CACNA1C: variants seen among roughly 807,000 people sequenced by gnomAD.
CACNA1C encodes calcium voltage-gated channel subunit alpha1 C, also known as voltage-dependent L-type calcium channel subunit alpha-1C.
CACNA1C carries 30 observed loss-of-function variants against 229.0 expected under a neutral mutation model. The observed-to-expected ratio is 0.13, with a 90% CI of 0.10 to 0.18. The LOEUF (loss-of-function observed/expected upper bound fraction) is 0.18, where lower values mean the gene tolerates loss of function less well. Ranked by LOEUF, CACNA1C falls within the 10% of genes least tolerant of loss-of-function variation. CACNA1C has a pLI of 1.00. For synonymous variants in CACNA1C, 1,114 were observed against 1,132.5 expected (o/e 0.98, Z 0.33); for missense variants, 1,658 against 2,845.0 (o/e 0.58, Z 9.49).
chr12:2,570,320 C>T (rs540900102), intron 13 of CACNA1C, among the ~76,000 whole-genome samples: 8 of 152,192 alleles, frequency 5.3e-5, no homozygotes, highest in Non-Finnish European at 7.4e-5. Context: ...TTGCTCAGAG[C>T]GTGTTTCTGA....
At chr12:2,634,411 C>T (rs780849922) in intron 30 of CACNA1C, 31 bp downstream of exon 30, 26 of 1,206,264 alleles carry the variant, frequency 2.2e-5, no homozygotes, top group Admixed American at 4.2e-5. Context: ...CCTAACCGTC[C>T]GTGCCTGCTC....
chr12:2,501,597 C>T (rs934948960), intron 7 of CACNA1C, among the ~76,000 whole-genome samples: 1 of 152,272 alleles, frequency 6.6e-6, no homozygotes, highest in Admixed American at 6.5e-5. Context: ...GTGGCCAGCA[C>T]GGCTGTCAGT....
intron 1 of CACNA1C, among the ~76,000 whole-genome samples, chr12:1,972,792 A>G (rs1367878665): frequency 6.6e-6 from 1 of 152,130 alleles, no homozygotes; most frequent in African/African-American, 2.4e-5. Context: ...AAGGAAAAAA[A>G]GAAGGATGGA....
Position 2,691,101 on chromosome 12 carries a change from C to G in CACNA1C, c.6319C>G (p.Arg2107Gly). The change falls in exon 47 of 47, where the codon CGA becomes GGA. Residue 2107 changes from arginine to glycine, a missense_variant. Physicochemically the swap from Arg to Gly is moderately radical, Grantham distance 125. Coordinates refer to ENST00000399655, the MANE Select transcript of CACNA1C (RefSeq NM_000719.7). The stretch of plus-strand genomic sequence containing the variant: ...GAACTGCAGGGACGCGGGGCAGGAC[C>G]GAGCCGGGGGCGAAGAGGACGCGGG... ...FVNCRDAGQD[R>G]AGGEEDAGCV... 2.5e-6 allele frequency: 4 copies of G among 1,612,040 alleles called. No homozygotes were observed. The highest frequency in any genetic ancestry group is 1.7e-4 in the Middle Eastern group (1 of 5,960).
At chr12:2,643,339 C>T (rs2153614161) in intron 30 of CACNA1C, among the ~76,000 whole-genome samples, 1 of 152,298 alleles carries the variant, frequency 6.6e-6, no homozygotes, top group East Asian at 1.9e-4. Flanking sequence ...CTTTGTTTGT[C>T]TTCTTCTGCT....
chr12:2,498,003 A>ACACACACACACACACACACAC (rs370883428), intron 7 of CACNA1C, among the ~76,000 whole-genome samples: 2 of 149,242 alleles, frequency 1.3e-5, no homozygotes, highest in South Asian at 2.1e-4. Context: ...ACACACACAC[A>ACACACACACACACACACACAC]ACAGCTATTA....
Position 2,607,011 on chromosome 12 carries a change from G to A in CACNA1C, c.3237G>A (p.Gly1079=), listed in dbSNP as rs534453109. The part of the protein sequence containing the change: ...CKGNYITYKD[G]EVDHPIIQPR... ...GCAACTACATCACGTACAAAGACGG[G>A]GAGGTTGACCACCCCATCATCCAAC... The change falls in exon 26 of 47, where the codon GGG becomes GGA. Residue 1079 remains glycine, a synonymous_variant. Transcript: ENST00000399655. 20 of 1,614,018 alleles carry A rather than the reference G, an allele frequency of 1.2e-5. No homozygotes were observed. The East Asian group carries it at 4.5e-4, about 36-fold the overall frequency.
Position 2,568,390 on chromosome 12 carries a change from G to A in CACNA1C, c.1895+596G>A, listed in dbSNP as rs145944894. ...GGGAGTGTAAAATGGTGCAGCCACC[G>A]TGGGAAATGGTATGGCAGTTCCTAA... On this transcript the variant is annotated intron_variant, in intron 13 of 46. Coordinates refer to ENST00000399655, the MANE Select transcript of CACNA1C (RefSeq NM_000719.7). Among the ~76,000 whole-genome samples the A allele has an allele frequency of 1.2e-4, 19 of 152,278 alleles. No homozygotes were observed. The East Asian group carries it at 1.7e-3, about 14-fold the overall frequency.
chr12:2,201,987 T>C (rs965879048), intron 3 of CACNA1C, among the ~76,000 whole-genome samples: 1 of 152,256 alleles, frequency 6.6e-6, no homozygotes, highest in Non-Finnish European at 1.5e-5. Context: ...TTATCATTTG[T>C]CTTCCTGGCA....
intron 1 of CACNA1C, among the ~76,000 whole-genome samples, chr12:2,003,944 C>T (rs112110159): frequency 0.022 from 3,362 of 152,272 alleles, 102 homozygotes; most frequent in African/African-American, 0.071. Context: ...GAACTCTGCT[C>T]TACTTTCTCG....
intron 3 of CACNA1C, among the ~76,000 whole-genome samples, chr12:2,309,490 CAT>C (rs1163169155): frequency 1.4e-3 from 216 of 149,936 alleles, no homozygotes; most frequent in African/African-American, 4.8e-3. Context: ...CACACACACA[CAT>C]ACACACACAC....
chr12:2,053,685 C>T lies in CACNA1C; in HGVS notation c.49+74C>T. Reference sequence around the variant, plus strand: ...GGGTTCCTGCCCTACCCGCGCTCCCCGCGGCCCCGGGGCCGGTCCCTGCGG... The same window carrying T: ...GGGTTCCTGCCCTACCCGCGCTCCCTGCGGCCCCGGGGCCGGTCCCTGCGG... On this transcript the variant is annotated intron_variant, in intron 1 of 46. Transcript: ENST00000399655. The surrounding 1 kb of genome is among the most constrained non-coding windows in gnomAD (Gnocchi z 5.8). The T allele has an allele frequency of 7.0e-7, 1 of 1,421,128 alleles. No individual in the cohort carries two copies. The highest frequency in any genetic ancestry group is 9.3e-7 in the Non-Finnish European group (1 of 1,076,088). 88.0% of individuals were successfully genotyped at this position (1,421,128 alleles called of 1,614,324 possible).
intron 1 of CACNA1C, among the ~76,000 whole-genome samples, chr12:1,978,583 T>C (rs1364441129): frequency 6.6e-6 from 1 of 152,232 alleles, no homozygotes; most frequent in Non-Finnish European, 1.5e-5. Flanking sequence ...AGTGTTCTGC[T>C]CAGTGAGTTG....
chr12:2,499,710 A>C (rs1217021683), intron 7 of CACNA1C, among the ~76,000 whole-genome samples: 1 of 152,148 alleles, frequency 6.6e-6, no homozygotes, highest in Non-Finnish European at 1.5e-5. Flanking sequence ...GACTTTCCTT[A>C]GGAAAGTCAG....
intron 3 of CACNA1C, among the ~76,000 whole-genome samples, chr12:2,306,206 C>T (rs916857779): frequency 2.6e-5 from 4 of 152,174 alleles, no homozygotes; most frequent in South Asian, 2.1e-4. Flanking sequence ...TGGATACTTC[C>T]GGAAGCTGTG....
chr12:2,394,493 C>G (rs2098538773), intron 3 of CACNA1C, among the ~76,000 whole-genome samples: 3 of 152,186 alleles, frequency 2.0e-5, no homozygotes, highest in Admixed American at 2.0e-4. Context: ...AAATCCCCTG[C>G]TGTCTGGAGA....
At chr12:2,499,911 A>T (rs1367714388) in intron 7 of CACNA1C, among the ~76,000 whole-genome samples, 1 of 152,086 alleles carries the variant, frequency 6.6e-6, no homozygotes, top group Non-Finnish European at 1.5e-5. Flanking sequence ...CTTCAGAGCC[A>T]CCCAGCTTTG....
chr12:2,608,354 C>T lies in CACNA1C; in HGVS notation c.3357-157C>T, dbSNP rs2076234155. Reference sequence around the variant, plus strand: ...TCTCAGAGAGGTTAAACGCTTTGCCCAAGGTCACACAGCCAGTAAGAGGCC... The same window carrying T: ...TCTCAGAGAGGTTAAACGCTTTGCCTAAGGTCACACAGCCAGTAAGAGGCC... On this transcript the variant is annotated intron_variant, in intron 26 of 46. Transcript: ENST00000399655. This position sits in a 1 kb window ranked among gnomAD's most constrained non-coding sequence, Gnocchi z 4.2. 1.3e-5 allele frequency among the ~76,000 whole-genome samples: 2 copies of T among 152,146 alleles called. No individual in the cohort carries two copies. The highest frequency in any genetic ancestry group is 2.9e-5 in the Non-Finnish European group (2 of 68,020).
chr12:2,475,095 C>T (rs907453726), intron 5 of CACNA1C, among the ~76,000 whole-genome samples: 2 of 151,972 alleles, frequency 1.3e-5, no homozygotes, highest in African/African-American at 2.4e-5. Context: ...GTCAGGAGAT[C>T]GAGACCATCC....
Sources: gnomAD v4.1 joint callset for allele counts (sites outside exome capture counted in the v4.1 genomes callset) on GRCh38, gnomAD v4.1.1 for gene constraint, Gnocchi (gnomAD v3.1) non-coding constraint, MANE v1.5 for transcripts, NCBI Gene and HGNC (gene_info 2026-07-23, HGNC 2026-07-21) for gene names.